Variants in TRIQK observed in about 807,000 individuals in gnomAD.
TRIQK encodes triple QxxK/R motif-containing protein.
TRIQK carries 10 observed loss-of-function variants against 10.8 expected under a neutral mutation model. That is an observed-to-expected ratio of 0.92 (90% confidence interval 0.57 to 1.57). The LOEUF (loss-of-function observed/expected upper bound fraction) is 1.57, where lower values mean the gene tolerates loss of function less well. TRIQK is among the 40% of genes most tolerant of loss of function. TRIQK has a pLI of 0.00. For synonymous variants in TRIQK, 33 were observed against 33.7 expected (o/e 0.98, Z 0.07); for missense variants, 107 against 97.7 (o/e 1.09, Z -0.40).
At chr8:92,980,405 G>A (rs1325879420) in intron 1 of TRIQK, among the ~76,000 whole-genome samples, 1 of 151,898 alleles carries the variant, frequency 6.6e-6, no homozygotes, top group Admixed American at 6.6e-5. Flanking sequence ...GCGCGTGTGT[G>A]TTCATTTTGG....
chr8:92,915,252 A>AT (rs1321563194), intron 3 of TRIQK, among the ~76,000 whole-genome samples: 1 of 152,166 alleles, frequency 6.6e-6, no homozygotes, highest in Non-Finnish European at 1.5e-5. Context: ...TAAAGTTGCA[A>AT]TTATGTAGGA....
intron 2 of TRIQK, among the ~76,000 whole-genome samples, chr8:92,919,029 C>T (rs896247174): frequency 1.7e-4 from 26 of 151,628 alleles, no homozygotes; most frequent in African/African-American, 4.8e-5. Context: ...AATGAGTAGA[C>T]TCTAAGTGTG....
At chr8:92,898,883 A>G (rs1808769427) in intron 3 of TRIQK, among the ~76,000 whole-genome samples, 1 of 138,364 alleles carries the variant, frequency 7.2e-6, no homozygotes, top group South Asian at 2.3e-4. Context: ...AGATGGGGGT[A>G]CATGAGCTAT....
chr8:92,917,929 C>T (rs1472918666), intron 2 of TRIQK, among the ~76,000 whole-genome samples: 1 of 152,018 alleles, frequency 6.6e-6, no homozygotes, highest in Non-Finnish European at 1.5e-5. Flanking sequence ...CTCTCTACCT[C>T]CATGAGATCC....
upstream of TRIQK, among the ~76,000 whole-genome samples, chr8:92,970,481 A>C (rs948929248): frequency 3.3e-5 from 5 of 152,270 alleles, no homozygotes; most frequent in African/African-American, 9.6e-5. Context: ...TTGACTTTTT[A>C]ATAATTGCCA....
At chr8:92,889,043 A>G (rs1816627312) in intron 4 of TRIQK, among the ~76,000 whole-genome samples, 1 of 151,672 alleles carries the variant, frequency 6.6e-6, no homozygotes, top group Non-Finnish European at 1.5e-5. Context: ...TTACTGGGCC[A>G]TAAATTATGG....
chr8:93,003,973 C>T (rs1288450234), intron 1 of TRIQK, among the ~76,000 whole-genome samples: 3 of 152,206 alleles, frequency 2.0e-5, no homozygotes, highest in African/African-American at 7.2e-5. Flanking sequence ...GTGCAGCCCC[C>T]ACAGCTACTT....
intron 1 of TRIQK, among the ~76,000 whole-genome samples, chr8:92,982,635 A>G (rs1003096008): frequency 2.0e-5 from 3 of 152,050 alleles, no homozygotes; most frequent in Admixed American, 6.6e-5. Flanking sequence ...CTATTGTTAA[A>G]TGGTTGAATA....
At chr8:92,941,038 TGAA>T (rs1811245065) in intron 2 of TRIQK, 1 of 152,096 alleles carries the variant, frequency 6.6e-6, no homozygotes. Context: ...AATGGGTTAA[TGAA>T]GAAATTAAAA....
chr8:93,008,229 C>T (rs186105607), intron 1 of TRIQK, among the ~76,000 whole-genome samples: 175 of 152,294 alleles, frequency 1.1e-3, no homozygotes, highest in African/African-American at 4.1e-3. Flanking sequence ...AGCAAACCAC[C>T]ATGGCACAAA....
chr8:92,917,726 T>C (rs1289062283), intron 2 of TRIQK, among the ~76,000 whole-genome samples: 1 of 152,054 alleles, frequency 6.6e-6, no homozygotes, highest in Non-Finnish European at 1.5e-5. Context: ...GTTCTTTGTG[T>C]TGGGAGCAAA....
chr8:92,935,875 A>G (rs978583386), intron 2 of TRIQK, among the ~76,000 whole-genome samples: 2 of 151,702 alleles, frequency 1.3e-5, no homozygotes, highest in African/African-American at 4.8e-5. Flanking sequence ...TAGCAGCTGA[A>G]GAAGGTAGAG....
chr8:92,898,233 C>T (rs185750699), intron 3 of TRIQK, among the ~76,000 whole-genome samples: 1 of 152,184 alleles, frequency 6.6e-6, no homozygotes, highest in African/African-American at 2.4e-5. Flanking sequence ...AGGGGCTTTT[C>T]AGTGAGTTTC....
intron 1 of TRIQK, chr8:92,973,669 G>C: frequency 6.6e-6 from 1 of 152,164 alleles, no homozygotes; most frequent in East Asian, 1.9e-4. Flanking sequence ...TTGGTGCAAA[G>C]TGGGAGTAAG....
At position 92,906,688 on chromosome 8, in the gene TRIQK, G is replaced by T. The variant is rs186419974; in HGVS notation, c.61+10241C>A. Among the ~76,000 whole-genome samples the T allele has an allele frequency of 2.8e-5, 4 of 141,364 alleles. No individual in the cohort carries two copies. The Admixed American group carries it at 3.0e-4, about 10-fold the overall frequency. 92.7% of individuals were successfully genotyped at this position (141,364 alleles called of 152,430 possible). ...ATGCCAAATCACAATAGAATAAAGG[G>T]AAGACTGCTAACACGGTGAAATCCC... On this transcript the variant is annotated intron_variant, in intron 3 of 4. Transcript: ENST00000521988.
intron 1 of TRIQK, among the ~76,000 whole-genome samples, chr8:93,015,166 TAAAG>T (rs557622057): frequency 9.0e-4 from 137 of 152,018 alleles, no homozygotes; most frequent in African/African-American, 3.1e-3. Flanking sequence ...AACTAATATA[TAAAG>T]ATAGTTTTCC....
At chr8:92,890,706 C>T (rs922717914) in intron 4 of TRIQK, among the ~76,000 whole-genome samples, 1 of 151,656 alleles carries the variant, frequency 6.6e-6, no homozygotes, top group Non-Finnish European at 1.5e-5. Flanking sequence ...ATTTTGTTAC[C>T]CCATATTTTT....
At chr8:92,897,145 T>C (rs1397909133) in intron 3 of TRIQK, among the ~76,000 whole-genome samples, 1 of 152,112 alleles carries the variant, frequency 6.6e-6, no homozygotes, top group African/African-American at 2.4e-5. Flanking sequence ...AGTAGATAAT[T>C]TGATTAATTT....
intron 3 of TRIQK, among the ~76,000 whole-genome samples, chr8:92,894,697 C>T (rs2130290454): frequency 6.6e-6 from 1 of 152,210 alleles, no homozygotes; most frequent in South Asian, 2.1e-4. Context: ...TGTGTATGAA[C>T]TAACCTATTA....
Sources: allele counts gnomAD v4.1 joint callset (sites outside exome capture counted in the v4.1 genomes callset), GRCh38; gene constraint gnomAD v4.1.1; transcripts MANE v1.5; gene names NCBI Gene and HGNC (gene_info 2026-07-23, HGNC 2026-07-21).